The following CELF4 variants were observed in gnomAD, a reference collection of about 807,000 sequenced individuals.
CELF4 encodes CUGBP Elav-like family member 4, also known as CUG-BP- and ETR-3-like factor 4.
Under a neutral mutation model 59.9 loss-of-function variants are expected in CELF4, and 18 were observed. The ratio of observed to expected loss-of-function variants is 0.30; its 90% CI spans 0.21 to 0.45. The LOEUF (loss-of-function observed/expected upper bound fraction) is 0.45, where lower values mean the gene tolerates loss of function less well. Ranked by LOEUF, CELF4 falls within the 20% of genes least tolerant of loss-of-function variation. CELF4 has a pLI of 1.00. For missense variants in CELF4, 456 were observed against 689.0 expected, an observed-to-expected ratio of 0.66 and a Z score of 3.79; for synonymous variants, 261 against 267.1, an observed-to-expected ratio of 0.98 and a Z score of 0.22.
chr18:37,536,728 C>T (rs1472405184), intron 1 of CELF4, among the ~76,000 whole-genome samples: 1 of 152,158 alleles, frequency 6.6e-6, no homozygotes, highest in East Asian at 1.9e-4. Flanking sequence ...CTTGCACTTG[C>T]TCCCTCCCAC....
intron 10 of CELF4, among the ~76,000 whole-genome samples, chr18:37,262,399 T>C (rs1366591804): frequency 9.6e-6 from 1 of 104,184 alleles, no homozygotes; most frequent in Non-Finnish European, 1.9e-5. Context: ...GTGTGTGGGG[T>C]GGGGGAGGGG....
intron 2 of CELF4, among the ~76,000 whole-genome samples, chr18:37,425,423 T>G (rs1173356862): frequency 2.0e-5 from 3 of 151,948 alleles, no homozygotes; most frequent in African/African-American, 7.3e-5. Context: ...GCCTGAGGGG[T>G]CTCTGAGAGG....
At position 37,246,634 on chromosome 18, in the gene CELF4, C is replaced by G. The variant is rs1486651298; in HGVS notation, c.*45-1437G>C. On this transcript the variant is annotated intron_variant, in intron 12 of 12. Transcript: ENST00000420428. This position sits in a 1 kb window ranked among gnomAD's most constrained non-coding sequence, Gnocchi z 5.3. ...TGAAGTGAGATTGAAAATAGCCTAACTGGAAAAAGACCAGACCTAGGAAAG... is the reference window on the plus strand; with the variant it reads ...TGAAGTGAGATTGAAAATAGCCTAAGTGGAAAAAGACCAGACCTAGGAAAG... Among the ~76,000 whole-genome samples, 1 of 151,686 alleles carries G rather than the reference C, an allele frequency of 6.6e-6. No individual in the cohort carries two copies. Among genetic ancestry groups the G allele is most frequent in the Non-Finnish European group, 1.5e-5 (1 of 67,972 alleles).
At chr18:37,521,894 A>G (rs2154604679) in intron 1 of CELF4, among the ~76,000 whole-genome samples, 1 of 152,334 alleles carries the variant, frequency 6.6e-6, no homozygotes, top group East Asian at 1.9e-4. Flanking sequence ...AGAAAAATCC[A>G]GCTTCCGTCT....
intron 1 of CELF4, among the ~76,000 whole-genome samples, chr18:37,486,313 C>G (rs2099881297): frequency 6.6e-6 from 1 of 152,162 alleles, no homozygotes; most frequent in South Asian, 2.1e-4. Context: ...AAATCACATC[C>G]TCTTTCTGGC....
chr18:37,516,125 C>CT (rs35532870), intron 1 of CELF4, among the ~76,000 whole-genome samples: 119 of 152,250 alleles, frequency 7.8e-4, no homozygotes, highest in Admixed American at 2.8e-3. Context: ...TAGCAAACTG[C>CT]TTTTTTCTGG....
At chr18:37,324,425 C>T (rs370023911) in intron 2 of CELF4, among the ~76,000 whole-genome samples, 14 of 152,146 alleles carry the variant, frequency 9.2e-5, no homozygotes, top group Non-Finnish European at 1.8e-4. Context: ...GAGGACACAG[C>T]GAGAAGGCCG....
At chr18:37,565,221 C>G in intron 1 of CELF4, 135 bp downstream of exon 1, 1 of 929,278 alleles carries the variant, frequency 1.1e-6, no homozygotes, top group African/African-American at 1.7e-5. Flanking sequence ...CTCCGCTGCC[C>G]GAGCGCCTCC....
chr18:37,284,986 C>A (rs1213539189), intron 3 of CELF4, among the ~76,000 whole-genome samples: 3 of 152,222 alleles, frequency 2.0e-5, no homozygotes, highest in Admixed American at 1.3e-4. Context: ...GGAGTTCTCA[C>A]TCCCTCTCTT....
intron 2 of CELF4, among the ~76,000 whole-genome samples, chr18:37,477,045 A>G (rs1569569581): frequency 1.3e-5 from 2 of 152,220 alleles, no homozygotes; most frequent in Non-Finnish European, 2.9e-5. Context: ...TATGGCTGGA[A>G]TAGGAGATGC....
intron 3 of CELF4, among the ~76,000 whole-genome samples, chr18:37,307,365 G>A (rs906706041): frequency 3.9e-5 from 6 of 152,126 alleles, no homozygotes; most frequent in Admixed American, 6.5e-5. Flanking sequence ...TGTGATAATG[G>A]CCAGATGGTA....
At chr18:37,469,749 T>C (rs1157380776) in intron 2 of CELF4, among the ~76,000 whole-genome samples, 1 of 152,220 alleles carries the variant, frequency 6.6e-6, no homozygotes, top group Non-Finnish European at 1.5e-5. Flanking sequence ...AGTGGCCAGA[T>C]AGCGGGTTTT....
chr18:37,529,737 A>G (rs1461735906), intron 1 of CELF4, among the ~76,000 whole-genome samples: 3 of 152,184 alleles, frequency 2.0e-5, no homozygotes, highest in Non-Finnish European at 4.4e-5. Context: ...CCTGAGTTCT[A>G]TTCCCAGGGG....
At chr18:37,485,256 T>A (rs1017182725) in intron 2 of CELF4, among the ~76,000 whole-genome samples, 1 of 151,200 alleles carries the variant, frequency 6.6e-6, no homozygotes. Flanking sequence ...CAGCTCCCGC[T>A]CCGGGGACCC....
At chr18:37,314,355 T>C (rs1315850228) in intron 3 of CELF4, among the ~76,000 whole-genome samples, 1 of 152,090 alleles carries the variant, frequency 6.6e-6, no homozygotes, top group Non-Finnish European at 1.5e-5. Flanking sequence ...CTCTGGGGGC[T>C]GCGGCAGGAG....
chr18:37,295,746 A>G (rs1218085671), intron 3 of CELF4, among the ~76,000 whole-genome samples: 10 of 152,228 alleles, frequency 6.6e-5, no homozygotes, highest in Non-Finnish European at 1.5e-4. Context: ...TGGTGTGGGC[A>G]TGGGGAGTCT....
intron 2 of CELF4, among the ~76,000 whole-genome samples, chr18:37,394,789 C>G (rs2099220285): frequency 6.6e-6 from 1 of 152,140 alleles, no homozygotes; most frequent in South Asian, 2.1e-4. Flanking sequence ...GCCACCCACT[C>G]CCCCCAGACC....
intron 1 of CELF4, among the ~76,000 whole-genome samples, chr18:37,525,418 G>A (rs569634229): frequency 2.0e-5 from 3 of 152,334 alleles, no homozygotes; most frequent in Non-Finnish European, 4.4e-5. Flanking sequence ...CGCCCTTCGG[G>A]GTGGCCTTCT....
chr18:37,261,469 C>G (rs1216531754), intron 10 of CELF4, among the ~76,000 whole-genome samples: 3 of 152,242 alleles, frequency 2.0e-5, no homozygotes, highest in Non-Finnish European at 4.4e-5. Flanking sequence ...AGGGATGACT[C>G]TCTAGCCCAG....
Sources: allele counts gnomAD v4.1 joint callset (sites outside exome capture counted in the v4.1 genomes callset), GRCh38; gene constraint gnomAD v4.1.1; non-coding constraint Gnocchi (gnomAD v3.1); transcripts MANE v1.5; gene names NCBI Gene and HGNC (gene_info 2026-07-23, HGNC 2026-07-21).